NKAIN3: variants seen among roughly 807,000 people sequenced by gnomAD.
The protein encoded by NKAIN3 is sodium/potassium transporting ATPase interacting 3.
A neutral mutation model predicts 30.2 loss-of-function variants in NKAIN3; 25 were observed. The ratio of observed to expected loss-of-function variants is 0.83; its 90% CI spans 0.60 to 1.16. The LOEUF (loss-of-function observed/expected upper bound fraction) is 1.16. Ranked by LOEUF, NKAIN3 falls within the 50% of genes most tolerant of loss-of-function variation. The probability of loss-of-function intolerance (pLI) is 0.00; values close to 1 mark genes in which losing one functional copy is unlikely to be tolerated. For synonymous variants in NKAIN3, 91 were observed against 89.6 expected (o/e 1.02, Z -0.09); for missense variants, 225 against 254.1 (o/e 0.89, Z 0.78).
At position 62,553,537 on chromosome 8, in the gene NKAIN3, C is replaced by G. The variant is rs568405831; in HGVS notation, c.55-26002C>G. On this transcript the variant is annotated intron_variant, in intron 1 of 6. Coordinates refer to ENST00000623646, the MANE Select transcript of NKAIN3 (RefSeq NM_001304533.3). The stretch of plus-strand genomic sequence containing the variant: ...GAGCATGTTGTATTTTTATACTGAA[C>G]ACTTTTTTTTTTTTTTTGAGACAGA... Among the ~76,000 whole-genome samples, 669 of 138,220 alleles carry G rather than the reference C, an allele frequency of 4.8e-3. 1 individual carries two copies. Among genetic ancestry groups the G allele is most frequent in the Non-Finnish European group, 6.5e-3 (426 of 65,404 alleles). 90.7% of individuals were successfully genotyped at this position (138,220 alleles called of 152,430 possible).
At chr8:62,625,319 C>A (rs1377352560) in intron 3 of NKAIN3, among the ~76,000 whole-genome samples, 1 of 151,954 alleles carries the variant, frequency 6.6e-6, no homozygotes, top group Non-Finnish European at 1.5e-5. Flanking sequence ...TAGAACAGTC[C>A]AAAAGATAGG....
intron 4 of NKAIN3, among the ~76,000 whole-genome samples, chr8:62,881,563 T>C (rs1028238387): frequency 6.6e-5 from 10 of 152,140 alleles, no homozygotes; most frequent in Admixed American, 3.3e-4. Context: ...AACCCAGCAA[T>C]AGTCTTCGTA....
chr8:62,643,431 G>A (rs1335840858), intron 3 of NKAIN3, among the ~76,000 whole-genome samples: 2 of 152,098 alleles, frequency 1.3e-5, no homozygotes, highest in African/African-American at 4.8e-5. Flanking sequence ...GTTAATCCTA[G>A]TTGAATACCG....
At chr8:62,455,181 A>G (rs1233454385) in intron 1 of NKAIN3, among the ~76,000 whole-genome samples, 3 of 152,218 alleles carry the variant, frequency 2.0e-5, no homozygotes, top group Non-Finnish European at 4.4e-5. Flanking sequence ...CATTGATTTA[A>G]TCTTTACACT....
At chr8:62,372,815 GTC>G (rs767200164) in intron 1 of NKAIN3, among the ~76,000 whole-genome samples, 63 of 152,142 alleles carry the variant, frequency 4.1e-4, no homozygotes, top group Non-Finnish European at 7.7e-4. Context: ...TTTTATAAGA[GTC>G]TCTATCTTTT....
chr8:62,409,636 C>T (rs951571022), intron 1 of NKAIN3, among the ~76,000 whole-genome samples: 1 of 151,950 alleles, frequency 6.6e-6, no homozygotes, highest in Non-Finnish European at 1.5e-5. Context: ...TATTTCATTA[C>T]AGGATTAAAT....
At chr8:62,569,125 A>G (rs1031087416) in intron 1 of NKAIN3, among the ~76,000 whole-genome samples, 11 of 152,190 alleles carry the variant, frequency 7.2e-5, no homozygotes, top group African/African-American at 1.7e-4. Context: ...CTCAAAGTCT[A>G]TGTTCATCCT....
At chr8:62,509,033 T>C (rs1807734141) in intron 1 of NKAIN3, among the ~76,000 whole-genome samples, 1 of 152,182 alleles carries the variant, frequency 6.6e-6, no homozygotes, top group Non-Finnish European at 1.5e-5. Context: ...GGTCACTTTC[T>C]CTGCAAGGTG....
intron 4 of NKAIN3, among the ~76,000 whole-genome samples, chr8:62,807,392 A>T (rs1220756811): frequency 6.6e-6 from 1 of 151,858 alleles, no homozygotes; most frequent in African/African-American, 2.4e-5. Flanking sequence ...CAGATTTTTT[A>T]AATTTTTGTG....
intron 3 of NKAIN3, among the ~76,000 whole-genome samples, chr8:62,719,811 C>A (rs1815029748): frequency 1.5e-5 from 2 of 134,094 alleles, no homozygotes; most frequent in Admixed American, 8.6e-5. Context: ...GGCTGGAGTG[C>A]AGCGGCGCGA....
intron 1 of NKAIN3, among the ~76,000 whole-genome samples, chr8:62,439,185 C>T (rs1260994930): frequency 1.3e-5 from 2 of 152,134 alleles, no homozygotes; most frequent in African/African-American, 4.8e-5. Context: ...TGGATATGGT[C>T]CACATTGGCA....
chr8:62,527,882 G>GGGGTGTGT (rs1554543240), intron 1 of NKAIN3, among the ~76,000 whole-genome samples: 9 of 143,798 alleles, frequency 6.3e-5, no homozygotes, highest in Admixed American at 2.8e-4. Flanking sequence ...ACTTTTTTTT[G>GGGGTGTGT]GTGTGTGTGT....
At chr8:62,840,219 T>TC (rs1819491312) in intron 4 of NKAIN3, among the ~76,000 whole-genome samples, 1 of 152,016 alleles carries the variant, frequency 6.6e-6, no homozygotes, top group Non-Finnish European at 1.5e-5. Flanking sequence ...TAATTCCACA[T>TC]GAAAAATAGA....
intron 4 of NKAIN3, among the ~76,000 whole-genome samples, chr8:62,749,888 G>T (rs1816221238): frequency 6.6e-6 from 1 of 151,344 alleles, no homozygotes; most frequent in Non-Finnish European, 1.5e-5. Context: ...TCACCATTTG[G>T]CCAGGCTGTT....
chr8:62,627,944 G>A (rs980273686), intron 3 of NKAIN3, among the ~76,000 whole-genome samples: 1 of 152,186 alleles, frequency 6.6e-6, no homozygotes, highest in Middle Eastern at 3.4e-3. Flanking sequence ...CTGTGATCAA[G>A]ATTAAATAAG....
intron 1 of NKAIN3, among the ~76,000 whole-genome samples, chr8:62,552,786 G>T (rs1175234846): frequency 6.6e-6 from 1 of 152,144 alleles, no homozygotes; most frequent in Admixed American, 6.5e-5. Context: ...CCCTGTGTGT[G>T]GTGTGCCCTA....
intron 1 of NKAIN3, among the ~76,000 whole-genome samples, chr8:62,353,929 G>A (rs577106520): frequency 6.6e-6 from 1 of 152,272 alleles, no homozygotes; most frequent in African/African-American, 2.4e-5. Context: ...CAAAACTAAA[G>A]CTACATTTTA....
At chr8:62,853,884 T>G (rs1331177561) in intron 4 of NKAIN3, among the ~76,000 whole-genome samples, 1 of 152,188 alleles carries the variant, frequency 6.6e-6, no homozygotes, top group Non-Finnish European at 1.5e-5. Context: ...ATCCCACACA[T>G]GCTGGTACAT....
intron 3 of NKAIN3, among the ~76,000 whole-genome samples, chr8:62,719,926 T>A (rs1184801615): frequency 6.6e-6 from 1 of 151,874 alleles, no homozygotes; most frequent in Non-Finnish European, 1.5e-5. Flanking sequence ...CTGGCTAATT[T>A]TTTTGTATTT....
Sources: allele counts gnomAD v4.1 joint callset (sites outside exome capture counted in the v4.1 genomes callset), GRCh38; gene constraint gnomAD v4.1.1; transcripts MANE v1.5; gene names NCBI Gene and HGNC (gene_info 2026-07-23, HGNC 2026-07-21).